MGAT5B: variants seen among roughly 807,000 people sequenced by gnomAD.
MGAT5B encodes the protein N-acetylglucosaminyl-transferase Vb.
In MGAT5B, 54 loss-of-function variants were observed where a neutral mutation model predicts 95.1. That is an observed-to-expected ratio of 0.57 (90% CI 0.46 to 0.71). MGAT5B has a LOEUF of 0.71. Ranked by LOEUF, MGAT5B falls within the 30% of genes least tolerant of loss-of-function variation. MGAT5B has a pLI of 0.00. For missense variants in MGAT5B, 935 were observed against 1,088.6 expected, an observed-to-expected ratio of 0.86 and a Z score of 1.99; for synonymous variants, 464 against 451.0, an observed-to-expected ratio of 1.03 and a Z score of -0.36.
Position 76,868,813 on chromosome 17 carries a change from G to A in MGAT5B, c.-217G>A. 3.3e-6 allele frequency: 1 copy of A among 306,532 alleles called. No homozygotes were observed. The highest frequency in any genetic ancestry group is 5.9e-6 in the Non-Finnish European group (1 of 168,508). 19.0% of individuals were successfully genotyped at this position (306,532 alleles called of 1,614,324 possible). ...CGGGGAGGGCGGAGACGCAGAGACGGCCCGGCCGGGCGCCCTCGCCGCCCT... is the reference window on the plus strand; with the variant it reads ...CGGGGAGGGCGGAGACGCAGAGACGACCCGGCCGGGCGCCCTCGCCGCCCT... On this transcript the variant is annotated 5_prime_UTR_variant, in exon 1 of 18. Coordinates refer to ENST00000569840, the MANE Select transcript of MGAT5B (RefSeq NM_001199172.2). The surrounding 1 kb of genome is among the most constrained non-coding windows in gnomAD (Gnocchi z 6.3).
chr17:76,874,780 G>A (rs949064826), intron 2 of MGAT5B, among the ~76,000 whole-genome samples: 5 of 152,082 alleles, frequency 3.3e-5, no homozygotes, highest in African/African-American at 4.8e-5. Flanking sequence ...AGGGGTGTAG[G>A]AGCCCTGCTG....
chr17:76,949,902 A>AG lies in MGAT5B; in HGVS notation c.*1064_*1065insG, dbSNP rs1970154928. 7.4e-6 allele frequency: 1 copy of AG among 135,916 alleles called. No homozygotes were observed. The highest frequency in any genetic ancestry group is 2.7e-5 in the African/African-American group (1 of 36,976). 8.4% of individuals were successfully genotyped at this position (135,916 alleles called of 1,614,324 possible). ...CTTACCCTAGGTAGCCCCCCACCCCATCAGTGCCGAGTCCTTGTCCCTACC... is the reference window on the plus strand; with the variant it reads ...CTTACCCTAGGTAGCCCCCCACCCCAGTCAGTGCCGAGTCCTTGTCCCTACC... On this transcript the variant is annotated 3_prime_UTR_variant, in exon 18 of 18. Coordinates refer to ENST00000569840, the MANE Select transcript of MGAT5B (RefSeq NM_001199172.2).
chr17:76,903,149 G>A (rs966245159), intron 4 of MGAT5B, among the ~76,000 whole-genome samples, 154 bp from the exon 5 acceptor site: 12 of 152,142 alleles, frequency 7.9e-5, no homozygotes, highest in African/African-American at 2.7e-4. Context: ...ACCTAGGCCC[G>A]GGTTGACCTT....
intron 11 of MGAT5B, among the ~76,000 whole-genome samples, 196 bp from the exon 12 acceptor site, chr17:76,933,096 G>C (rs575492646): frequency 5.3e-5 from 8 of 152,236 alleles, no homozygotes; most frequent in African/African-American, 9.6e-5. Flanking sequence ...CGGTGGATGG[G>C]GGGGTGGTCA....
rs762492216 is a variant in MGAT5B, at chr17:76,869,132, G to T, written c.68+35G>T. On this transcript the variant is annotated intron_variant, in intron 1 of 17. Transcript: ENST00000569840. This position sits in a 1 kb window ranked among gnomAD's most constrained non-coding sequence, Gnocchi z 7.0. ...CCTCCTGGTTGGTTTTTTCCCCAGG[G>T]GGGCGCCGGGTGGAGGTGGGCGAGG... is the stretch of plus-strand genomic sequence containing the variant. The T allele has an allele frequency of 4.4e-6, 7 of 1,596,514 alleles. No individual in the cohort carries two copies. In the Admixed American group the frequency reaches 1.2e-4, roughly 27 times the overall value.
chr17:76,944,707 C>T (rs1192263567), intron 15 of MGAT5B, among the ~76,000 whole-genome samples: 2 of 152,178 alleles, frequency 1.3e-5, no homozygotes, highest in Non-Finnish European at 2.9e-5. Context: ...GGGCAATGTC[C>T]GGCTTCAAGG....
intron 9 of MGAT5B, 75 bp downstream of exon 9, chr17:76,925,172 C>A: frequency 1.3e-6 from 2 of 1,584,556 alleles, no homozygotes; most frequent in South Asian, 1.1e-5. Context: ...GCCCTGCCCC[C>A]ACGTCCCCAC....
chr17:76,891,340 C>T (rs1005034205), intron 3 of MGAT5B, among the ~76,000 whole-genome samples: 2 of 152,270 alleles, frequency 1.3e-5, no homozygotes, highest in African/African-American at 4.8e-5. Flanking sequence ...TCAAAGGCCT[C>T]ACCTCCTAAT....
chr17:76,921,255 C>T (rs1969115551), intron 8 of MGAT5B, among the ~76,000 whole-genome samples: 1 of 152,192 alleles, frequency 6.6e-6, no homozygotes. Context: ...TCTGCGGCAC[C>T]TGGCCTCACG....
chr17:76,880,664 T>C (rs765329749), intron 2 of MGAT5B, among the ~76,000 whole-genome samples: 5 of 152,220 alleles, frequency 3.3e-5, no homozygotes, highest in Non-Finnish European at 4.4e-5. Context: ...AGCCATTCAA[T>C]GACTGCCCTG....
intron 3 of MGAT5B, among the ~76,000 whole-genome samples, chr17:76,883,015 AT>A (rs978233623): frequency 6.6e-6 from 1 of 150,640 alleles, no homozygotes; most frequent in African/African-American, 2.4e-5. Flanking sequence ...TAAAAAAAAA[AT>A]TTTTTTTTGA....
rs7216131 is a variant in MGAT5B at position 76,889,513 on chromosome 17, C to T, written c.329+7215C>T. On this transcript the variant is annotated intron_variant, in intron 3 of 17. Coordinates refer to ENST00000569840, the MANE Select transcript of MGAT5B (RefSeq NM_001199172.2). This position sits in a 1 kb window ranked among gnomAD's most constrained non-coding sequence, Gnocchi z 4.4. ...GTGGGTACCTTCACTGGGAGAGAGG[C>T]GTGTGGTTGGCAGGTCAGGGGCCTC... Among the ~76,000 whole-genome samples the T allele has an allele frequency of 0.091, 13,834 of 152,182 alleles. 874 individuals are homozygous for T. The highest frequency in any genetic ancestry group is 0.25 in the East Asian group (1,313 of 5,166).
At chr17:76,904,729 T>C (rs1280138872) in intron 6 of MGAT5B, among the ~76,000 whole-genome samples, 1 of 152,252 alleles carries the variant, frequency 6.6e-6, no homozygotes, top group Non-Finnish European at 1.5e-5. Context: ...GTCCAGATGC[T>C]TTATTTGCAC....
At chr17:76,937,863 C>A in intron 12 of MGAT5B, 125 bp from the exon 13 acceptor site, 2 of 1,147,818 alleles carry the variant, frequency 1.7e-6, no homozygotes, top group Non-Finnish European at 2.5e-6. Context: ...TGTCCCACAG[C>A]CAGTTAATGG....
At chr17:76,923,393 C>T (rs909744304) in intron 8 of MGAT5B, among the ~76,000 whole-genome samples, 3 of 149,910 alleles carry the variant, frequency 2.0e-5, no homozygotes, top group African/African-American at 2.5e-5. Flanking sequence ...CTGGCTGGCA[C>T]CTGAACCCTG....
rs1968774865 is a variant in MGAT5B at position 76,912,478 on chromosome 17, C to A, written c.1025+6291C>A. 6.6e-6 allele frequency among the ~76,000 whole-genome samples: 1 copy of A among 152,194 alleles called. No individual in the cohort carries two copies. Among genetic ancestry groups the A allele is most frequent in the African/African-American group, 2.4e-5 (1 of 41,446 alleles). On this transcript the variant is annotated intron_variant, in intron 8 of 17. Transcript: ENST00000569840. This position sits in a 1 kb window ranked among gnomAD's most constrained non-coding sequence, Gnocchi z 5.0. ...TCTGCGACAGAAATGTCTCCCTTGG[C>A]TGGCGAAATGACCTGCGTGGGAGGC...
At position 76,947,610 on chromosome 17, in the gene MGAT5B, C is replaced by T. The variant is rs77913284; in HGVS notation, c.1924-220C>T. Among the ~76,000 whole-genome samples, 40 of 152,318 alleles carry T rather than the reference C, an allele frequency of 2.6e-4. No homozygotes were observed. The East Asian group carries it at 4.4e-3, about 17-fold the overall frequency. The stretch of plus-strand genomic sequence containing the variant: ...TGCCATCCAACCCCAAGGCCCTGGG[C>T]GGATGCCGTGACCTCTGAGCCTCCA... On this transcript the variant is annotated intron_variant, in intron 16 of 17. Coordinates refer to ENST00000569840, the MANE Select transcript of MGAT5B (RefSeq NM_001199172.2).
At chr17:76,946,829 G>A (rs1970045756) in intron 16 of MGAT5B, among the ~76,000 whole-genome samples, 1 of 152,266 alleles carries the variant, frequency 6.6e-6, no homozygotes, top group Non-Finnish European at 1.5e-5. Flanking sequence ...GCTAAGGATG[G>A]CAGTGAGACT....
rs758243879 is a variant in MGAT5B, at chr17:76,902,613, G to A, written c.388G>A (p.Asp130Asn). Residue 130 changes from aspartate (D) to asparagine (N), a missense_variant, in exon 4 of 18, where the codon GAC (aspartate) becomes AAC (asparagine). This residue lies in a region of MGAT5B where 243 missense variants were observed against 228.2 expected (regional missense o/e 1.06). Coordinates refer to ENST00000569840, the MANE Select transcript of MGAT5B (RefSeq NM_001199172.2). ...CCAGGCTATTGCCCAGAACGTCTCC[G>A]ACATCGCTGTGAAGGTGGACCAGAT... ...RIQAIAQNVS[D>N]IAVKVDQILR... 23 of 1,604,172 alleles carry A rather than the reference G, an allele frequency of 1.4e-5. No homozygotes were observed. The highest frequency in any genetic ancestry group is 4.5e-5 in the South Asian group (4 of 89,076).
Sources: allele counts gnomAD v4.1 joint callset (sites outside exome capture counted in the v4.1 genomes callset), GRCh38; gene constraint gnomAD v4.1.1; regional missense constraint gnomAD v4.1.1; non-coding constraint Gnocchi (gnomAD v3.1); transcripts MANE v1.5; gene names NCBI Gene and HGNC (gene_info 2026-07-23, HGNC 2026-07-21).